The following C6 variants were observed in gnomAD, a reference collection of about 807,000 sequenced individuals.
C6 encodes the protein complement component C6.
In C6, 101 loss-of-function variants were observed where a neutral mutation model predicts 112.9. That is an observed-to-expected ratio of 0.89 (90% CI 0.76 to 1.06). The LOEUF (loss-of-function observed/expected upper bound fraction) is 1.06, where lower values mean the gene tolerates loss of function less well. Ranked by LOEUF, C6 falls within the 50% of genes least tolerant of loss-of-function variation. C6 has a pLI of 0.00. For synonymous variants in C6, 431 were observed against 384.1 expected, an observed-to-expected ratio of 1.12 and a Z score of -1.43; for missense variants, 1,202 against 1,104.6, an observed-to-expected ratio of 1.09 and a Z score of -1.25.
intron 17 of C6, 34 bp from the exon 18 acceptor site, chr5:41,143,040 C>T: frequency 6.3e-7 from 1 of 1,589,366 alleles, no homozygotes; most frequent in Non-Finnish European, 8.6e-7. Context: ...GTGTGACTTA[C>T]CACAGTACAT....
At chr5:41,227,851 A>T (rs1441898949) in intron 1 of C6, among the ~76,000 whole-genome samples, 2 of 152,044 alleles carry the variant, frequency 1.3e-5, no homozygotes, top group South Asian at 4.1e-4. Context: ...TGCTTGTGCC[A>T]TTCTGTTTGA....
At chr5:41,224,532 C>G (rs1325109799) in intron 1 of C6, among the ~76,000 whole-genome samples, 15 of 151,936 alleles carry the variant, frequency 9.9e-5, no homozygotes, top group Admixed American at 9.8e-4. Context: ...GATTCTTTGA[C>G]TAAGTGCGTT....
chr5:41,143,279 C>T (rs1235988745), intron 17 of C6, among the ~76,000 whole-genome samples: 1 of 152,080 alleles, frequency 6.6e-6, no homozygotes, highest in Non-Finnish European at 1.5e-5. Context: ...CACTAGTAAG[C>T]CAGTAAGCTT....
chr5:41,257,876 A>G (rs1741817726), intron 1 of C6, among the ~76,000 whole-genome samples: 1 of 152,240 alleles, frequency 6.6e-6, no homozygotes, highest in East Asian at 1.9e-4. Context: ...GATTGTTCCC[A>G]CCTACATGTA....
At chr5:41,245,754 G>T (rs1425306703) in intron 1 of C6, among the ~76,000 whole-genome samples, 2 of 151,770 alleles carry the variant, frequency 1.3e-5, no homozygotes, top group African/African-American at 4.8e-5. Flanking sequence ...TTTAAATCTT[G>T]AAATTAAAAA....
intron 5 of C6, among the ~76,000 whole-genome samples, chr5:41,187,699 T>TACACACACACACAC (rs201227440): frequency 1.6e-5 from 2 of 123,230 alleles, no homozygotes; most frequent in African/African-American, 3.1e-5. Flanking sequence ...GACACACACA[T>TACACACACACACAC]ACACACACAC....
intron 9 of C6, among the ~76,000 whole-genome samples, chr5:41,164,737 C>T (rs1002139077): frequency 4.6e-5 from 7 of 152,130 alleles, no homozygotes; most frequent in African/African-American, 1.7e-4. Flanking sequence ...AACTGGGGTC[C>T]ATATGTGATA....
rs1295211032 is a variant in C6, at chr5:41,172,554, T to TC, written c.1169-208dup. On this transcript the variant is annotated intron_variant, in intron 8 of 17. Coordinates refer to ENST00000337836, the MANE Select transcript of C6 (RefSeq NM_000065.5). ...GCCCAGAGATGATCCTGAACAGGAG[T>TC]CCCGTGAGTGCCCATCATCTCCCCT... is the stretch of plus-strand genomic sequence containing the variant. 4.9e-6 allele frequency: 3 copies of TC among 607,708 alleles called. No homozygotes were observed. The East Asian group carries it at 8.5e-5, about 17-fold the overall frequency. The allele number at this position is 607,708 out of a possible 1,614,324, so 37.6% of individuals were successfully genotyped here. A position where few individuals can be genotyped will look rare whatever the true frequency, so the allele number is the denominator to read the frequency against.
Position 41,253,631 on chromosome 5 carries a change from G to A in C6, c.-21+7563C>T, listed in dbSNP as rs58329572. ...GCTCTATAGAGTGTAGGGTCCAATG[G>A]CTGAAAAACCATTGTTTTATTTAGC... is the stretch of plus-strand genomic sequence containing the variant. On this transcript the variant is annotated intron_variant, in intron 1 of 17. Coordinates refer to the C6 transcript ENST00000263413. 9.1e-3 allele frequency among the ~76,000 whole-genome samples: 1,384 copies of A among 152,236 alleles called. 26 individuals are homozygous for A. Among genetic ancestry groups the A allele is most frequent in the African/African-American group, 0.032 (1,326 of 41,526 alleles).
intron 1 of C6, among the ~76,000 whole-genome samples, chr5:41,219,565 A>T (rs1390075222): frequency 6.6e-6 from 1 of 152,170 alleles, no homozygotes; most frequent in Non-Finnish European, 1.5e-5. Context: ...ACTACTGAAA[A>T]ACTAATGATA....
At chr5:41,221,292 A>G (rs1346913267) in intron 1 of C6, among the ~76,000 whole-genome samples, 2 of 152,168 alleles carry the variant, frequency 1.3e-5, no homozygotes, top group African/African-American at 4.8e-5. Flanking sequence ...GCTTTAAGCT[A>G]TACATTCTCA....
At chr5:41,163,736 G>T (rs1747745983) in intron 9 of C6, among the ~76,000 whole-genome samples, 1 of 152,090 alleles carries the variant, frequency 6.6e-6, no homozygotes, top group South Asian at 2.1e-4. Context: ...GCACATTTTT[G>T]AATAATACAT....
intron 1 of C6, among the ~76,000 whole-genome samples, chr5:41,230,528 T>C (rs973580510): frequency 2.0e-5 from 3 of 152,144 alleles, no homozygotes; most frequent in Non-Finnish European, 4.4e-5. Flanking sequence ...TAAATTCTAG[T>C]CAGACTGGTT....
At chr5:41,234,670 A>G (rs1224548689) in intron 1 of C6, among the ~76,000 whole-genome samples, 1 of 152,188 alleles carries the variant, frequency 6.6e-6, no homozygotes, top group South Asian at 2.1e-4. Context: ...GGAAAACAGA[A>G]GAGCAGAAAA....
intron 9 of C6, among the ~76,000 whole-genome samples, chr5:41,166,054 A>G (rs1488196614): frequency 6.6e-6 from 1 of 152,140 alleles, no homozygotes; most frequent in Non-Finnish European, 1.5e-5. Flanking sequence ...ACTGCATAGT[A>G]TATCAGCTTC....
In C6 at chr5:41,210,175, T is replaced by C. The variant is rs576997642; in HGVS notation, c.-21+3201A>G. ...AACTGGCTAGCCATATGTAGAAAGC[T>C]GAAACTGGATCCCTTCCTTGCACCT... is the stretch of plus-strand genomic sequence containing the variant. On this transcript the variant is annotated intron_variant, in intron 1 of 17. Coordinates refer to ENST00000337836, the MANE Select transcript of C6 (RefSeq NM_000065.5). Among the ~76,000 whole-genome samples, 3 of 152,298 alleles carry C rather than the reference T, an allele frequency of 2.0e-5. No individual in the cohort carries two copies. In the South Asian group the frequency reaches 6.2e-4, roughly 32 times the overall value.
intron 9 of C6, among the ~76,000 whole-genome samples, chr5:41,170,860 T>C (rs1421302095): frequency 6.6e-6 from 1 of 152,146 alleles, no homozygotes. Flanking sequence ...AAGGAGTTAT[T>C]TATAATGGCA....
At chr5:41,144,292 G>C (rs1943297406) in intron 17 of C6, among the ~76,000 whole-genome samples, 1 of 151,868 alleles carries the variant, frequency 6.6e-6, no homozygotes, top group South Asian at 2.1e-4. Context: ...TTTTGAGACA[G>C]GGTCTTACTG....
chr5:41,213,682 TGTA>T (rs780402485), upstream of C6: 14 of 267,854 alleles, frequency 5.2e-5, no homozygotes, highest in Non-Finnish European at 6.9e-5. Flanking sequence ...CAAGGGCTAT[TGTA>T]GTAGCTATTG....
Sources: gnomAD v4.1 joint callset for allele counts (sites outside exome capture counted in the v4.1 genomes callset) on GRCh38, gnomAD v4.1.1 for gene constraint, MANE v1.5 for transcripts, NCBI Gene and HGNC (gene_info 2026-07-23, HGNC 2026-07-21) for gene names.